The following MACROD1 variants were observed in gnomAD, a reference collection of about 807,000 sequenced individuals.
The protein encoded by MACROD1 is mono-ADP ribosylhydrolase 1.
A neutral mutation model predicts 41.4 loss-of-function variants in MACROD1; 31 were observed. The ratio of observed to expected loss-of-function variants is 0.75; its 90% confidence interval spans 0.56 to 1.01. MACROD1 has a LOEUF of 1.01. MACROD1 is among the 50% of genes least tolerant of loss of function. The pLI is 0.00. For synonymous variants in MACROD1, 252 were observed against 203.4 expected, an observed-to-expected ratio of 1.24 and a Z score of -2.03; for missense variants, 473 against 460.0, an observed-to-expected ratio of 1.03 and a Z score of -0.26.
chr11:64,162,679 G>A (rs548428787), intron 1 of MACROD1, among the ~76,000 whole-genome samples: 1 of 151,018 alleles, frequency 6.6e-6, no homozygotes, highest in East Asian at 2.0e-4. Flanking sequence ...TCTGGGCATG[G>A]TGACGGGCAC....
chr11:64,016,271 C>G (rs1174942641), intron 3 of MACROD1, among the ~76,000 whole-genome samples: 1 of 152,252 alleles, frequency 6.6e-6, no homozygotes, highest in Non-Finnish European at 1.5e-5. Flanking sequence ...AGCCTGGGCT[C>G]CAGCCCCGAT....
intron 3 of MACROD1, among the ~76,000 whole-genome samples, chr11:64,139,120 A>G (rs1945373393): frequency 6.6e-6 from 1 of 152,106 alleles, no homozygotes; most frequent in Non-Finnish European, 1.5e-5. Context: ...TCAGTGGAGG[A>G]AGCCGCCAGT....
intron 3 of MACROD1, among the ~76,000 whole-genome samples, chr11:64,049,390 G>A (rs903796763): frequency 1.3e-5 from 2 of 152,198 alleles, no homozygotes; most frequent in South Asian, 2.1e-4. Context: ...GGGCAGGGAG[G>A]TCAGCAGGCC....
chr11:64,000,107 G>T, intron 5 of MACROD1, 120 bp downstream of exon 5: 1 of 772,500 alleles, frequency 1.3e-6, no homozygotes, highest in Non-Finnish European at 2.1e-6. Context: ...GGCCCTTAAG[G>T]TTAAGAAGGG....
chr11:64,063,434 G>A (rs1272853339), intron 3 of MACROD1, among the ~76,000 whole-genome samples: 1 of 152,120 alleles, frequency 6.6e-6, no homozygotes, highest in Non-Finnish European at 1.5e-5. Flanking sequence ...AGAGGAGGAG[G>A]ACTTCCAGGG....
At chr11:64,058,544 G>A (rs920950912) in intron 3 of MACROD1, among the ~76,000 whole-genome samples, 1 of 152,260 alleles carries the variant, frequency 6.6e-6, no homozygotes, top group African/African-American at 2.4e-5. Context: ...CCCAGGCCTG[G>A]GAGATGCCAC....
At chr11:64,019,094 G>C (rs1943119715) in intron 3 of MACROD1, among the ~76,000 whole-genome samples, 2 of 152,196 alleles carry the variant, frequency 1.3e-5, no homozygotes, top group Admixed American at 1.3e-4. Flanking sequence ...CTGGGTGGGG[G>C]CGGGGCCTCC....
chr11:64,097,648 AG>A (rs1381069347), intron 3 of MACROD1, among the ~76,000 whole-genome samples: 1 of 152,212 alleles, frequency 6.6e-6, no homozygotes, highest in Non-Finnish European at 1.5e-5. Context: ...GGAGGCTGGG[AG>A]GGTTCGCACC....
intron 3 of MACROD1, among the ~76,000 whole-genome samples, chr11:64,078,385 T>C (rs1207763401): frequency 3.9e-5 from 6 of 152,226 alleles, no homozygotes; most frequent in African/African-American, 1.4e-4. Context: ...CTCAGGGGGC[T>C]GAACGGCTGC....
chr11:64,000,200 A>C, intron 5 of MACROD1, 27 bp downstream of exon 5: 2 of 1,571,126 alleles, frequency 1.3e-6, no homozygotes, highest in Non-Finnish European at 1.7e-6. Flanking sequence ...TCTGCGCCCC[A>C]CAGCTGGGGG....
intron 1 of MACROD1, among the ~76,000 whole-genome samples, chr11:64,155,277 A>AG (rs1224409451): frequency 6.6e-6 from 1 of 152,248 alleles, no homozygotes; most frequent in Non-Finnish European, 1.5e-5. Context: ...AAAGAAAAAA[A>AG]AGAGAGAGAG....
chr11:64,150,540 G>C (rs1267584092), intron 3 of MACROD1, among the ~76,000 whole-genome samples: 1 of 152,168 alleles, frequency 6.6e-6, no homozygotes, highest in Non-Finnish European at 1.5e-5. Context: ...GCGAGGGCCG[G>C]GGTTCAGCCG....
chr11:64,152,514 T>A, intron 1 of MACROD1, 121 bp from the exon 2 acceptor site: 1 of 772,880 alleles, frequency 1.3e-6, no homozygotes, highest in Non-Finnish European at 2.3e-6. Flanking sequence ...TCCCTCCTTC[T>A]CTGGGCACAC....
chr11:64,068,609 C>T (rs1423807885), intron 3 of MACROD1, among the ~76,000 whole-genome samples: 1 of 152,234 alleles, frequency 6.6e-6, no homozygotes, highest in Non-Finnish European at 1.5e-5. Flanking sequence ...CAGGGAAGCC[C>T]AGGCAGAATA....
At chr11:64,161,324 C>T (rs1425835816) in intron 1 of MACROD1, among the ~76,000 whole-genome samples, 3 of 152,154 alleles carry the variant, frequency 2.0e-5, no homozygotes, top group African/African-American at 7.2e-5. Context: ...AGGGGCCAGA[C>T]TTCAAGAAGA....
chr11:64,165,006 C>T (rs1445947023), intron 1 of MACROD1, among the ~76,000 whole-genome samples: 1 of 152,214 alleles, frequency 6.6e-6, no homozygotes, highest in African/African-American at 2.4e-5. Flanking sequence ...GGGACAAGAC[C>T]CCACCTCTGC....
In MACROD1 at chr11:64,064,474, G is replaced by A. The variant is rs573460418; in HGVS notation, c.518-49193C>T. 6.6e-6 allele frequency among the ~76,000 whole-genome samples: 1 copy of A among 152,268 alleles called. No homozygotes were observed. The highest frequency in any genetic ancestry group is 1.9e-4 in the East Asian group (1 of 5,184). On this transcript the variant is annotated intron_variant, in intron 3 of 10. Transcript: ENST00000255681. This position sits in a 1 kb window ranked among gnomAD's most constrained non-coding sequence, Gnocchi z 4.5. ...CTGTTTTCTCTTGGCCAAAGAACCG[G>A]AGGCCTCAGGCCTGCCCCGGATGGG...
chr11:64,000,940 C>G (rs1031485015), intron 4 of MACROD1, among the ~76,000 whole-genome samples: 5 of 152,208 alleles, frequency 3.3e-5, no homozygotes, highest in African/African-American at 1.2e-4. Context: ...GTCTTCCAGC[C>G]GCGCGGGGAG....
chr11:64,132,532 G>C (rs571086221), intron 3 of MACROD1, among the ~76,000 whole-genome samples: 110 of 152,290 alleles, frequency 7.2e-4, no homozygotes, highest in African/African-American at 2.4e-3. Flanking sequence ...GGACGGGCGG[G>C]TCCTGAGCAG....
Sources: allele counts gnomAD v4.1 joint callset (sites outside exome capture counted in the v4.1 genomes callset), GRCh38; gene constraint gnomAD v4.1.1; non-coding constraint Gnocchi (gnomAD v3.1); transcripts MANE v1.5; gene names NCBI Gene and HGNC (gene_info 2026-07-23, HGNC 2026-07-21).